LIFR: variants seen among roughly 807,000 people sequenced by gnomAD.
The protein encoded by LIFR is leukemia inhibitory factor receptor.
In LIFR, 84 loss-of-function variants were observed where a neutral mutation model predicts 122.2. The observed-to-expected ratio is 0.69, with a 90% CI of 0.58 to 0.82. The LOEUF is 0.82. Ranked by LOEUF, LIFR falls within the 40% of genes least tolerant of loss-of-function variation. The probability of loss-of-function intolerance (pLI) is 0.00; values close to 1 mark genes in which losing one functional copy is unlikely to be tolerated. For synonymous variants in LIFR, 422 were observed against 434.7 expected (o/e 0.97, Z 0.36); for missense variants, 1,294 against 1,311.6 (o/e 0.99, Z 0.21).
intron 1 of LIFR, among the ~76,000 whole-genome samples, chr5:38,573,332 AT>A (rs1192423911): frequency 6.6e-6 from 1 of 152,162 alleles, no homozygotes; most frequent in African/African-American, 2.4e-5. Context: ...GTGCCTTTCG[AT>A]GTCTACTTCA....
chr5:38,577,931 T>C (rs1459274325), intron 1 of LIFR, among the ~76,000 whole-genome samples: 1 of 152,214 alleles, frequency 6.6e-6, no homozygotes, highest in Non-Finnish European at 1.5e-5. Flanking sequence ...ATTTCATACA[T>C]GCTTCCAGGA....
At chr5:38,540,780 A>T (rs73749273) in intron 1 of LIFR, among the ~76,000 whole-genome samples, 2,625 of 62,692 alleles carry the variant, frequency 0.042, 67 homozygotes, top group African/African-American at 0.11. Flanking sequence ...AATTCCAATT[A>T]AAAAAAAAAC....
At chr5:38,574,956 C>A (rs1039229844) in intron 1 of LIFR, among the ~76,000 whole-genome samples, 1 of 152,144 alleles carries the variant, frequency 6.6e-6, no homozygotes, top group Admixed American at 6.5e-5. Context: ...CGTATATACT[C>A]AACAGGAACT....
Position 38,556,358 on chromosome 5 carries a change from G to T in LIFR, c.-44C>A. 1 of 152,092 alleles carries T rather than the reference G, an allele frequency of 6.6e-6. No homozygotes were observed. Among genetic ancestry groups the T allele is most frequent in the Non-Finnish European group, 1.5e-5 (1 of 68,134 alleles). The allele number at this position is 152,092 out of a possible 1,614,324, so 9.4% of individuals were successfully genotyped here. A position where few individuals can be genotyped will look rare whatever the true frequency, so the allele number is the denominator to read the frequency against. ...CGGTACGCTCCCGCGCCGCTATCTT[G>T]CCATCCCCTGCCGCCGGCTCTGTAG... On this transcript the variant is annotated 5_prime_UTR_variant, in exon 1 of 20. Transcript: ENST00000453190.
At chr5:38,592,180 G>A (rs1002865105) in intron 1 of LIFR, among the ~76,000 whole-genome samples, 4 of 152,004 alleles carry the variant, frequency 2.6e-5, no homozygotes, top group Non-Finnish European at 5.9e-5. Flanking sequence ...ACTAACTATG[G>A]CCTTGTAGTT....
At chr5:38,501,841 A>G (rs1745197092) in intron 11 of LIFR, among the ~76,000 whole-genome samples, 1 of 151,900 alleles carries the variant, frequency 6.6e-6, no homozygotes, top group Non-Finnish European at 1.5e-5. Flanking sequence ...GGAAATTATC[A>G]TATTTAGAAA....
At chr5:38,546,434 C>G (rs1161692723) in intron 1 of LIFR, among the ~76,000 whole-genome samples, 1 of 152,114 alleles carries the variant, frequency 6.6e-6, no homozygotes. Flanking sequence ...ATTTAAAAAC[C>G]CTTGAATTAT....
At chr5:38,538,984 G>A (rs375661457) in intron 1 of LIFR, among the ~76,000 whole-genome samples, 10 of 151,310 alleles carry the variant, frequency 6.6e-5, no homozygotes, top group Admixed American at 1.3e-4. Flanking sequence ...TTTTTGAGAC[G>A]GAGTCTCGCT....
At chr5:38,578,042 G>A (rs1199876119) in intron 1 of LIFR, among the ~76,000 whole-genome samples, 2 of 152,062 alleles carry the variant, frequency 1.3e-5, no homozygotes, top group African/African-American at 2.4e-5. Context: ...GCTTTAGAGT[G>A]GCATTTTTCC....
At chr5:38,490,429 T>A (rs1744522457) in intron 14 of LIFR, 138 bp from the exon 15 acceptor site, 1 of 448,396 alleles carries the variant, frequency 2.2e-6, no homozygotes, top group Middle Eastern at 6.1e-4. Flanking sequence ...AATACATATA[T>A]ATTTTAAAGA....
At chr5:38,569,024 C>T (rs1186009985) in intron 1 of LIFR, among the ~76,000 whole-genome samples, 1 of 152,218 alleles carries the variant, frequency 6.6e-6, no homozygotes, top group East Asian at 1.9e-4. Flanking sequence ...AGGAAGAGGT[C>T]ATGACCTTGG....
upstream of LIFR, among the ~76,000 whole-genome samples, chr5:38,597,817 A>T (rs187832856): frequency 3.4e-4 from 52 of 152,310 alleles, no homozygotes; most frequent in Non-Finnish European, 4.6e-4. Context: ...GGCTTAGTCT[A>T]GAGGGACTTC....
rs184037692 is a variant in LIFR, at chr5:38,591,740, G to A, written c.-20+3521C>T. On this transcript the variant is annotated intron_variant, in intron 1 of 19. Coordinates refer to the LIFR transcript ENST00000263409. ...TGTCCTCAGGAAAGTTGGTGTATTC[G>A]TCACAAACATTGCTAGGTGGGAGAA... is the stretch of plus-strand genomic sequence containing the variant. Among the ~76,000 whole-genome samples, 7 of 152,270 alleles carry A rather than the reference G, an allele frequency of 4.6e-5. No individual in the cohort carries two copies. In the East Asian group the frequency reaches 5.8e-4, roughly 13 times the overall value.
In LIFR at chr5:38,484,884, T is replaced by C. The variant is rs765439400; in HGVS notation, c.2498-16A>G. 2 of 1,569,980 alleles carry C rather than the reference T, an allele frequency of 1.3e-6. No individual in the cohort carries two copies. Among genetic ancestry groups the C allele is most frequent in the Non-Finnish European group, 1.8e-6 (2 of 1,140,650 alleles). ...AATCCCACAGCTGAAACGAGAGTAT[T>C]GCAAATATTAAAATCGCCATTTTTA... On this transcript the variant is annotated splice_polypyrimidine_tract_variant and intron_variant, in intron 17 of 19. Coordinates refer to ENST00000453190, the MANE Select transcript of LIFR (RefSeq NM_001127671.2).
chr5:38,496,723 A>G (rs891670902), intron 12 of LIFR, 128 bp from the exon 13 acceptor site: 24 of 731,050 alleles, frequency 3.3e-5, no homozygotes, highest in African/African-American at 2.4e-4. Context: ...ACTCACGCTT[A>G]TAATTCCAGC....
intron 14 of LIFR, among the ~76,000 whole-genome samples, chr5:38,492,867 G>A (rs1580018764): frequency 6.6e-6 from 1 of 152,148 alleles, no homozygotes; most frequent in Non-Finnish European, 1.5e-5. Context: ...CTCCCATTGT[G>A]CCAGGAAAAC....
intron 12 of LIFR, among the ~76,000 whole-genome samples, chr5:38,497,654 C>T (rs1744955089): frequency 6.6e-6 from 1 of 152,076 alleles, no homozygotes; most frequent in South Asian, 2.1e-4. Flanking sequence ...ATATTCCCAC[C>T]TCTTAAGTAT....
chr5:38,523,307 T>TG, intron 5 of LIFR, 112 bp downstream of exon 5: 1 of 811,406 alleles, frequency 1.2e-6, no homozygotes, highest in Non-Finnish European at 2.0e-6. Flanking sequence ...GAAAGGTATC[T>TG]GATTTACTTC....
At chr5:38,503,553 C>T (rs1055388202) in intron 10 of LIFR, among the ~76,000 whole-genome samples, 1 of 152,096 alleles carries the variant, frequency 6.6e-6, no homozygotes, top group African/African-American at 2.4e-5. Flanking sequence ...TAAAAGTCAA[C>T]CTAAATATTT....
Sources: allele counts gnomAD v4.1 joint callset (sites outside exome capture counted in the v4.1 genomes callset), GRCh38; gene constraint gnomAD v4.1.1; transcripts MANE v1.5; gene names NCBI Gene and HGNC (gene_info 2026-07-23, HGNC 2026-07-21).